Variants in SFMBT1 observed in about 807,000 individuals in gnomAD.
SFMBT1 encodes scm-like with four MBT domains protein 1.
SFMBT1 carries 32 observed loss-of-function variants against 108.7 expected under a neutral mutation model. That is an observed-to-expected ratio of 0.29 (90% CI 0.22 to 0.40). The LOEUF is 0.40. Among genes scored for constraint, SFMBT1 ranks in the 10% least tolerant of loss-of-function variants. The pLI, the probability that SFMBT1 is intolerant of heterozygous loss-of-function variation, is 1.00. For synonymous variants in SFMBT1, 348 were observed against 369.5 expected, an observed-to-expected ratio of 0.94 and a Z score of 0.67; for missense variants, 816 against 1,059.6, an observed-to-expected ratio of 0.77 and a Z score of 3.19.
At chr3:52,982,710 C>G (rs563584632) in intron 1 of SFMBT1, among the ~76,000 whole-genome samples, 1 of 107,638 alleles carries the variant, frequency 9.3e-6, no homozygotes, top group African/African-American at 3.9e-5. Context: ...GCCTGGGCGA[C>G]AGAGCAAGAC....
chr3:53,031,738 C>T (rs1699694435), intron 1 of SFMBT1, among the ~76,000 whole-genome samples: 1 of 152,198 alleles, frequency 6.6e-6, no homozygotes, highest in African/African-American at 2.4e-5. Context: ...AAGACAGACA[C>T]AGTCCCTACC....
At chr3:52,913,429 A>T in intron 15 of SFMBT1, 49 bp downstream of exon 15, 2 of 1,594,470 alleles carry the variant, frequency 1.3e-6, no homozygotes, top group African/African-American at 1.3e-5. Context: ...TGACCATAGG[A>T]GAATGCTGTG....
chr3:52,932,399 TG>T, intron 5 of SFMBT1, 91 bp from the exon 6 acceptor site: 1 of 1,354,400 alleles, frequency 7.4e-7, no homozygotes, highest in Non-Finnish European at 9.9e-7. Flanking sequence ...AACCAGCCTT[TG>T]TATTTTTTAC....
chr3:52,920,219 C>T (rs753831195), intron 12 of SFMBT1, among the ~76,000 whole-genome samples: 19 of 152,154 alleles, frequency 1.2e-4, no homozygotes, highest in Non-Finnish European at 2.6e-4. Flanking sequence ...AAGACACTTG[C>T]CAATAATAAT....
chr3:53,004,487 G>T lies in SFMBT1; in HGVS notation c.-130-35229C>A, dbSNP rs578043283. The stretch of plus-strand genomic sequence containing the variant: ...GGGGTTTCACCATGTTGGCCAGGAT[G>T]GTCTTGATTCTCTTGACCTTGTGAT... On this transcript the variant is annotated intron_variant, in intron 1 of 20. Coordinates refer to ENST00000394752, the MANE Select transcript of SFMBT1 (RefSeq NM_016329.4). 1.0e-4 allele frequency among the ~76,000 whole-genome samples: 15 copies of T among 149,866 alleles called. 1 individual carries two copies. Among genetic ancestry groups the T allele is most frequent in the African/African-American group, 3.6e-4 (15 of 41,338 alleles).
intron 1 of SFMBT1, among the ~76,000 whole-genome samples, chr3:53,012,693 C>T (rs1202743273): frequency 8.6e-5 from 13 of 151,738 alleles, no homozygotes; most frequent in African/African-American, 2.9e-4. Flanking sequence ...TGAGCCACCG[C>T]GCCCGGCCGA....
chr3:53,031,696 G>A (rs1247846403), intron 1 of SFMBT1, among the ~76,000 whole-genome samples: 1 of 151,994 alleles, frequency 6.6e-6, no homozygotes, highest in Non-Finnish European at 1.5e-5. Context: ...ATATTTGCCA[G>A]GTGCTCAGTA....
Position 52,904,422 on chromosome 3 carries a change from A to G in SFMBT1, c.*714T>C, listed in dbSNP as rs1202626673. The G allele has an allele frequency of 2.0e-5, 3 of 152,278 alleles. No homozygotes were observed. Among genetic ancestry groups the G allele is most frequent in the African/African-American group, 7.2e-5 (3 of 41,446 alleles). The allele number at this position is 152,278 out of a possible 1,614,324, so 9.4% of individuals were successfully genotyped here. On this transcript the variant is annotated 3_prime_UTR_variant, in exon 21 of 21. Coordinates refer to ENST00000394752, the MANE Select transcript of SFMBT1 (RefSeq NM_016329.4). ...ATATAATGTTTTTAAGAAAGCAAAC[A>G]GTTTCCCCCCCTCCAAATTCTGTCA... is the stretch of plus-strand genomic sequence containing the variant.
At chr3:52,909,379 GATA>G (rs1702162690) in intron 17 of SFMBT1, among the ~76,000 whole-genome samples, 1 of 152,204 alleles carries the variant, frequency 6.6e-6, no homozygotes, top group Non-Finnish European at 1.5e-5. Flanking sequence ...AAGAAGCTAA[GATA>G]ATTCCTACTC....
At position 52,955,596 on chromosome 3, in the gene SFMBT1, A is replaced by C. The variant is rs557225149; in HGVS notation, c.29-1185T>G. On this transcript the variant is annotated intron_variant, in intron 2 of 20. Transcript: ENST00000394752. ...AATACTTCTATGCAAATAAACTAGA[A>C]AATTTACAAGAAATGGATAAATTCC... 2.0e-5 allele frequency among the ~76,000 whole-genome samples: 3 copies of C among 152,276 alleles called. No individual in the cohort carries two copies. The East Asian group carries it at 5.8e-4, about 29-fold the overall frequency.
intron 11 of SFMBT1, 71 bp downstream of exon 11, chr3:52,921,634 A>G: frequency 6.5e-7 from 1 of 1,527,524 alleles, no homozygotes; most frequent in East Asian, 2.3e-5. Context: ...TTAACAGGCA[A>G]CATTACAGGA....
intron 4 of SFMBT1, among the ~76,000 whole-genome samples, chr3:52,936,497 A>G (rs1232225629): frequency 6.6e-6 from 1 of 152,202 alleles, no homozygotes; most frequent in African/African-American, 2.4e-5. Flanking sequence ...ACGACACTCT[A>G]TCTTCAACCA....
intron 3 of SFMBT1, among the ~76,000 whole-genome samples, chr3:52,946,405 T>C (rs1236239187): frequency 1.3e-5 from 2 of 152,246 alleles, no homozygotes; most frequent in African/African-American, 4.8e-5. Flanking sequence ...ATATTGACTA[T>C]GTTTCCACAC....
intron 2 of SFMBT1, among the ~76,000 whole-genome samples, chr3:52,956,621 T>C (rs9883778): frequency 1 from 152,091 of 152,110 alleles, 76,036 homozygotes; most frequent in Middle Eastern, 1. Flanking sequence ...ATTAGCCGGG[T>C]GTGGTGGCGT....
chr3:52,961,852 T>C (rs1287200742), intron 2 of SFMBT1, among the ~76,000 whole-genome samples: 1 of 152,250 alleles, frequency 6.6e-6, no homozygotes, highest in East Asian at 1.9e-4. Context: ...GGACTCTAGG[T>C]CCTTAAATAG....
rs577318981 is a variant in SFMBT1 at position 53,004,296 on chromosome 3, T to A, written c.-130-35038A>T. Among the ~76,000 whole-genome samples, 3 of 145,278 alleles carry A rather than the reference T, an allele frequency of 2.1e-5. No individual in the cohort carries two copies. In the South Asian group the frequency reaches 6.7e-4, roughly 32 times the overall value. ...TCTCTCCTCCTCTCTTTCTTTTAGA[T>A]GGAGTCTCGCTCTGTCGCCAGGCTG... On this transcript the variant is annotated intron_variant, in intron 1 of 20. Transcript: ENST00000394752.
Position 52,932,985 on chromosome 3 carries a change from A to AAAAGTC in SFMBT1, c.454-683_454-678dup, listed in dbSNP as rs796566194. On this transcript the variant is annotated intron_variant, in intron 5 of 20. Transcript: ENST00000394752. ...CATCATTAAAGAGAAAAAATCAAAC[A>AAAAGTC]AAAGTCAAAGTCAAAGTCACCTGTA... Among the ~76,000 whole-genome samples the AAAAGTC allele has an allele frequency of 1.5e-3, 235 of 152,280 alleles. 1 individual carries two copies. Among genetic ancestry groups the AAAAGTC allele is most frequent in the African/African-American group, 5.4e-3 (224 of 41,556 alleles).
chr3:53,010,055 T>A (rs1409820091), intron 1 of SFMBT1, among the ~76,000 whole-genome samples: 3 of 152,136 alleles, frequency 2.0e-5, no homozygotes, highest in Non-Finnish European at 4.4e-5. Context: ...TATACTATGC[T>A]CTACTATGTA....
At chr3:52,923,603 A>C (rs1702578035) in intron 10 of SFMBT1, among the ~76,000 whole-genome samples, 1 of 152,058 alleles carries the variant, frequency 6.6e-6, no homozygotes, top group African/African-American at 2.4e-5. Context: ...AACTATTCAG[A>C]GTTCCAGAAA....
Sources: gnomAD v4.1 joint callset for allele counts (sites outside exome capture counted in the v4.1 genomes callset) on GRCh38, gnomAD v4.1.1 for gene constraint, MANE v1.5 for transcripts, NCBI Gene and HGNC (gene_info 2026-07-23, HGNC 2026-07-21) for gene names.